WWOX: variants seen among roughly 807,000 people sequenced by gnomAD.
WWOX encodes WW domain containing oxidoreductase.
A neutral mutation model predicts 46.2 loss-of-function variants in WWOX; 69 were observed. The observed-to-expected ratio is 1.49, with a 90% confidence interval of 1.23 to 1.82. WWOX has a LOEUF of 1.82. WWOX is among the 40% of genes most tolerant of loss of function. The pLI is 0.00. For missense variants in WWOX, 919 were observed against 542.6 expected, an observed-to-expected ratio of 1.69 and a Z score of -6.89; for synonymous variants, 359 against 202.6, an observed-to-expected ratio of 1.77 and a Z score of -6.56.
At chr16:78,584,034 C>G (rs4578663) in intron 8 of WWOX, among the ~76,000 whole-genome samples, 1 of 152,036 alleles carries the variant, frequency 6.6e-6, no homozygotes, top group Non-Finnish European at 1.5e-5. Flanking sequence ...TGGCCCAGAT[C>G]AACCTGTCCC....
rs931549704 is a variant in WWOX, at chr16:78,186,063, G to A, written c.516+21774G>A. Among the ~76,000 whole-genome samples, 7 of 152,286 alleles carry A rather than the reference G, an allele frequency of 4.6e-5. No individual in the cohort carries two copies. The South Asian group carries it at 1.5e-3, about 32-fold the overall frequency. ...TGTGTGGCAGTTGAGTGCTTGAAAG[G>A]TAGTTAGTCCAGATTGAAATGAGCT... On this transcript the variant is annotated intron_variant, in intron 5 of 8. Coordinates refer to ENST00000566780, the MANE Select transcript of WWOX (RefSeq NM_016373.4).
At chr16:78,893,884 C>G (rs1166555417) in intron 8 of WWOX, among the ~76,000 whole-genome samples, 1 of 152,066 alleles carries the variant, frequency 6.6e-6, no homozygotes, top group Admixed American at 6.6e-5. Context: ...ACAAGATTTT[C>G]TAGATGCATC....
intron 8 of WWOX, among the ~76,000 whole-genome samples, chr16:79,129,355 C>T (rs1051732483): frequency 2.0e-5 from 3 of 148,948 alleles, no homozygotes; most frequent in African/African-American, 5.0e-5. Context: ...ACACACCTCT[C>T]AGTGCCTTAA....
chr16:79,028,808 C>T (rs553070385), intron 8 of WWOX, among the ~76,000 whole-genome samples: 5 of 151,696 alleles, frequency 3.3e-5, no homozygotes, highest in African/African-American at 9.7e-5. Flanking sequence ...TAGATGGAGG[C>T]GAATGGTTTT....
rs562255205 is a variant in WWOX at position 79,032,993 on chromosome 16, C to G, written c.1057-178615C>G. 3.3e-4 allele frequency among the ~76,000 whole-genome samples: 50 copies of G among 151,600 alleles called. 1 individual carries two copies. The highest frequency in any genetic ancestry group is 1.2e-3 in the African/African-American group (49 of 41,398). ...GTCTATGTGCTCTCATCATTTAGTTCCCACTTATAAGTGAGAACATATGGT... is the reference window on the plus strand; with the variant it reads ...GTCTATGTGCTCTCATCATTTAGTTGCCACTTATAAGTGAGAACATATGGT... On this transcript the variant is annotated intron_variant, in intron 8 of 8. Coordinates refer to ENST00000566780, the MANE Select transcript of WWOX (RefSeq NM_016373.4).
intron 5 of WWOX, among the ~76,000 whole-genome samples, chr16:78,319,375 C>T (rs553130075): frequency 6.6e-6 from 1 of 152,176 alleles, no homozygotes; most frequent in East Asian, 1.9e-4. Flanking sequence ...ATCCTCCCAC[C>T]TCAACCTCCT....
chr16:78,751,461 T>TATATATATA (rs1555528822), intron 8 of WWOX, among the ~76,000 whole-genome samples: 21 of 128,424 alleles, frequency 1.6e-4, no homozygotes, highest in African/African-American at 6.0e-4. Flanking sequence ...TTATCAGATT[T>TATATATATA]TATATATATA....
intron 8 of WWOX, among the ~76,000 whole-genome samples, chr16:78,671,904 T>C (rs1180319090): frequency 6.6e-6 from 1 of 152,204 alleles, no homozygotes; most frequent in African/African-American, 2.4e-5. Context: ...CAGGCACTAC[T>C]CACTTCATTC....
intron 5 of WWOX, among the ~76,000 whole-genome samples, chr16:78,290,304 G>A (rs1023449239): frequency 2.2e-4 from 3 of 13,690 alleles, no homozygotes; most frequent in Non-Finnish European, 4.6e-4. Context: ...CCCATCCCAT[G>A]TTTATTTGTA....
intron 8 of WWOX, among the ~76,000 whole-genome samples, chr16:78,800,351 GTTGC>G (rs1317098655): frequency 6.6e-6 from 1 of 152,034 alleles, no homozygotes; most frequent in Non-Finnish European, 1.5e-5. Flanking sequence ...AGACAAATAT[GTTGC>G]TTTAAAATTC....
At chr16:79,119,067 G>T (rs6564647) in intron 8 of WWOX, among the ~76,000 whole-genome samples, 1 of 151,966 alleles carries the variant, frequency 6.6e-6, no homozygotes, top group African/African-American at 2.4e-5. Flanking sequence ...TCAAAGGTTG[G>T]GCACATTTTT....
intron 8 of WWOX, among the ~76,000 whole-genome samples, chr16:78,754,053 A>G (rs968671511): frequency 6.6e-6 from 1 of 151,428 alleles, no homozygotes; most frequent in South Asian, 2.1e-4. Flanking sequence ...TACTCTCATA[A>G]TTTTCTTTAG....
At chr16:78,116,048 G>T (rs1459920411) in intron 4 of WWOX, among the ~76,000 whole-genome samples, 6 of 151,856 alleles carry the variant, frequency 4.0e-5, no homozygotes, top group South Asian at 2.1e-4. Flanking sequence ...TATATTTATG[G>T]GGTTCATGAG....
intron 8 of WWOX, among the ~76,000 whole-genome samples, chr16:79,126,171 G>C (rs1026253178): frequency 2.1e-4 from 32 of 152,248 alleles, no homozygotes; most frequent in African/African-American, 5.8e-4. Flanking sequence ...TGATGTGATG[G>C]GGAAAGAGGA....
chr16:78,547,949 C>G (rs868160931), intron 8 of WWOX, among the ~76,000 whole-genome samples: 2 of 152,000 alleles, frequency 1.3e-5, no homozygotes, highest in East Asian at 1.9e-4. Context: ...GTCAGGAGTT[C>G]GAGACCAGCC....
At chr16:78,952,780 C>T (rs1054422430) in intron 8 of WWOX, among the ~76,000 whole-genome samples, 1 of 152,126 alleles carries the variant, frequency 6.6e-6, no homozygotes, top group Admixed American at 6.6e-5. Flanking sequence ...ATCCCTACTG[C>T]CCAGCAGAAG....
intron 2 of WWOX, among the ~76,000 whole-genome samples, chr16:78,109,061 C>A (rs1458051347): frequency 6.6e-6 from 1 of 152,090 alleles, no homozygotes; most frequent in East Asian, 1.9e-4. Flanking sequence ...ATGATGTTTT[C>A]CTATCGTTGC....
chr16:79,153,768 G>T (rs546207336), intron 8 of WWOX, among the ~76,000 whole-genome samples: 4 of 152,104 alleles, frequency 2.6e-5, no homozygotes, highest in South Asian at 2.1e-4. Context: ...GGGGTTTTTT[G>T]TTGTTGTTGT....
chr16:78,870,694 T>G (rs1054455432), intron 8 of WWOX, among the ~76,000 whole-genome samples: 6 of 152,184 alleles, frequency 3.9e-5, no homozygotes, highest in African/African-American at 9.6e-5. Context: ...CTCTGCCTCC[T>G]GGGTTCAAGC....
Sources: gnomAD v4.1 joint callset for allele counts (sites outside exome capture counted in the v4.1 genomes callset) on GRCh38, gnomAD v4.1.1 for gene constraint, MANE v1.5 for transcripts, NCBI Gene and HGNC (gene_info 2026-07-23, HGNC 2026-07-21) for gene names.